Variants in TM9SF3 observed in about 807,000 individuals in gnomAD.
TM9SF3 encodes the protein SM-11044-binding protein.
In TM9SF3, 14 loss-of-function variants were observed where a neutral mutation model predicts 78.6. The observed-to-expected ratio is 0.18, with a 90% CI of 0.12 to 0.28. The LOEUF (loss-of-function observed/expected upper bound fraction) is 0.28. Among genes scored for constraint, TM9SF3 ranks in the 10% least tolerant of loss-of-function variants. The pLI is 1.00. For missense variants in TM9SF3, 496 were observed against 721.9 expected (o/e 0.69, Z 3.59); for synonymous variants, 231 against 241.7 (o/e 0.96, Z 0.41).
At chr10:96,566,919 C>T (rs1385513276) in intron 2 of TM9SF3, among the ~76,000 whole-genome samples, 3 of 152,124 alleles carry the variant, frequency 2.0e-5, no homozygotes, top group African/African-American at 2.4e-5. Flanking sequence ...TAAGGGACAA[C>T]AAATGGCCAC....
intron 7 of TM9SF3, among the ~76,000 whole-genome samples, chr10:96,549,384 T>G (rs1175599299): frequency 6.6e-6 from 1 of 152,158 alleles, no homozygotes; most frequent in Non-Finnish European, 1.5e-5. Context: ...CATAGCAAAT[T>G]AAGAAAAGAG....
intron 8 of TM9SF3, among the ~76,000 whole-genome samples, chr10:96,545,887 C>T (rs1000220178): frequency 9.7e-6 from 1 of 102,638 alleles, no homozygotes; most frequent in Non-Finnish European, 2.1e-5. Context: ...GAAACTCCAT[C>T]TCAAAATCAA....
intron 4 of TM9SF3, chr10:96,560,736 T>C: frequency 5.2e-6 from 3 of 574,192 alleles, no homozygotes; most frequent in Non-Finnish European, 1.0e-5. Flanking sequence ...GAAATCTACA[T>C]GAGATAATCC....
intron 9 of TM9SF3, among the ~76,000 whole-genome samples, chr10:96,540,315 C>T (rs898543843): frequency 4.6e-5 from 7 of 152,178 alleles, no homozygotes; most frequent in Admixed American, 2.6e-4. Context: ...TAAGGTAGAA[C>T]CCACTTTCTT....
intron 14 of TM9SF3, among the ~76,000 whole-genome samples, chr10:96,523,807 TAGACTA>T (rs1847808646): frequency 6.6e-6 from 1 of 151,918 alleles, no homozygotes; most frequent in South Asian, 2.1e-4. Flanking sequence ...AGAATATCTA[TAGACTA>T]AAAGAGCCTT....
Position 96,527,492 on chromosome 10 carries a change from A to G in TM9SF3, c.1546T>C (p.Trp516Arg), listed in dbSNP as rs1237962662. The G allele has an allele frequency of 1.2e-6, 2 of 1,608,668 alleles. No individual in the cohort carries two copies. The highest frequency in any genetic ancestry group is 1.1e-5 in the South Asian group (1 of 90,136). The change falls in exon 13 of 15, where the codon TGG becomes CGG. Residue 516 changes from tryptophan to arginine, a missense_variant. Coordinates refer to ENST00000371142, the MANE Select transcript of TM9SF3 (RefSeq NM_020123.4). ...LLNAEDYRWQ[W>R]TSFLSAASTA... ...GATGCAGCAGAGAGAAAACTTGTCCATTGCCTGGTGGGGGGAGGGGGAAAG... is the reference window on the plus strand; with the variant it reads ...GATGCAGCAGAGAGAAAACTTGTCCGTTGCCTGGTGGGGGGAGGGGGAAAG...
chr10:96,532,909 T>C (rs1429476980), intron 10 of TM9SF3, 142 bp downstream of exon 10: 3 of 966,868 alleles, frequency 3.1e-6, no homozygotes, highest in South Asian at 1.9e-5. Flanking sequence ...TTAAAGGAAA[T>C]AGTAAAATGA....
rs1475269498 is a variant in TM9SF3, at chr10:96,518,357, G to A, written c.*3906C>T. The A allele has an allele frequency of 6.6e-6, 1 of 152,184 alleles. No individual in the cohort carries two copies. Among genetic ancestry groups the A allele is most frequent in the Non-Finnish European group, 1.5e-5 (1 of 68,022 alleles). The allele number at this position is 152,184 out of a possible 1,614,324, so 9.4% of individuals were successfully genotyped here. A position where few individuals can be genotyped will look rare whatever the true frequency, so the allele number is the denominator to read the frequency against. ...GGGACTTACACATTCAAGTTTGACAGTTGAAAAACCAACTGGAGCTGCTTT... is the reference window on the plus strand; with the variant it reads ...GGGACTTACACATTCAAGTTTGACAATTGAAAAACCAACTGGAGCTGCTTT... On this transcript the variant is annotated 3_prime_UTR_variant, in exon 15 of 15. Transcript: ENST00000371142.
At chr10:96,539,035 G>A (rs1194384532) in intron 9 of TM9SF3, among the ~76,000 whole-genome samples, 1 of 152,140 alleles carries the variant, frequency 6.6e-6, no homozygotes, top group Non-Finnish European at 1.5e-5. Context: ...GAAAACATAA[G>A]TCCATAGAAA....
rs922041913 is a variant in TM9SF3, at chr10:96,519,413, C to T, written c.*2850G>A. The T allele has an allele frequency of 1.3e-5, 2 of 151,838 alleles. No homozygotes were observed. The highest frequency in any genetic ancestry group is 2.9e-5 in the Non-Finnish European group (2 of 67,834). 9.4% of individuals were successfully genotyped at this position (151,838 alleles called of 1,614,324 possible). ...GGCAACCCCAGTACAATCTAGGAGCCCAACATGATGAAAAATACTAAAAGA... is the reference window on the plus strand; with the variant it reads ...GGCAACCCCAGTACAATCTAGGAGCTCAACATGATGAAAAATACTAAAAGA... On this transcript the variant is annotated 3_prime_UTR_variant, in exon 15 of 15. Transcript: ENST00000371142.
chr10:96,560,336 C>A lies in TM9SF3; in HGVS notation c.583-600G>T, dbSNP rs1848290254. On this transcript the variant is annotated intron_variant, in intron 4 of 14. Transcript: ENST00000371142. ...TCTTTAAGAACGGTCAGTTTAGGGG[C>A]TGGTGCAAAGGATGAATTGCATATT... 4 of 742,410 alleles carry A rather than the reference C, an allele frequency of 5.4e-6. No homozygotes were observed. In the East Asian group the frequency reaches 1.0e-4, roughly 19 times the overall value. 46.0% of individuals were successfully genotyped at this position (742,410 alleles called of 1,614,324 possible).
intron 7 of TM9SF3, among the ~76,000 whole-genome samples, chr10:96,549,866 G>C (rs527402180): frequency 2.9e-4 from 41 of 140,326 alleles, no homozygotes; most frequent in African/African-American, 1.0e-3. Context: ...CTAACATTTT[G>C]AAAAGGAAGC....
chr10:96,535,592 G>A (rs1847948454), intron 9 of TM9SF3, among the ~76,000 whole-genome samples: 1 of 152,196 alleles, frequency 6.6e-6, no homozygotes, highest in South Asian at 2.1e-4. Flanking sequence ...TAGCAGCTAA[G>A]AGGGTCTAAT....
chr10:96,545,377 C>A (rs1038291029), intron 8 of TM9SF3, among the ~76,000 whole-genome samples: 2 of 152,178 alleles, frequency 1.3e-5, no homozygotes, highest in Admixed American at 1.3e-4. Context: ...AAAATCATAA[C>A]GTTCCTCCAG....
At chr10:96,580,973 T>C (rs938731428) in intron 1 of TM9SF3, among the ~76,000 whole-genome samples, 7 of 152,198 alleles carry the variant, frequency 4.6e-5, no homozygotes, top group Admixed American at 3.3e-4. Flanking sequence ...GTCAGCTTCA[T>C]TCATTAAAGA....
At chr10:96,534,826 T>C (rs982290865) in intron 9 of TM9SF3, among the ~76,000 whole-genome samples, 9 of 152,194 alleles carry the variant, frequency 5.9e-5, no homozygotes, top group Admixed American at 3.9e-4. Flanking sequence ...ACTGGAGATA[T>C]CACAGCCAGG....
At chr10:96,566,932 TG>T (rs1300978840) in intron 2 of TM9SF3, among the ~76,000 whole-genome samples, 1 of 152,186 alleles carries the variant, frequency 6.6e-6, no homozygotes, top group East Asian at 1.9e-4. Context: ...ATGGCCACAG[TG>T]GCAGTAGGGT....
intron 2 of TM9SF3, 71 bp from the exon 3 acceptor site, chr10:96,565,497 A>G (rs1848357340): frequency 1.4e-6 from 2 of 1,473,818 alleles, no homozygotes; most frequent in African/African-American, 1.5e-5. Context: ...AAAAAAGACA[A>G]GAAAAAAGCC....
chr10:96,540,507 C>A (rs1848012012), intron 9 of TM9SF3, among the ~76,000 whole-genome samples: 1 of 152,146 alleles, frequency 6.6e-6, no homozygotes, highest in Admixed American at 6.5e-5. Flanking sequence ...CCTTGCGTAT[C>A]TTAGGCTTCA....
Sources: gnomAD v4.1 joint callset for allele counts (sites outside exome capture counted in the v4.1 genomes callset) on GRCh38, gnomAD v4.1.1 for gene constraint, MANE v1.5 for transcripts, NCBI Gene and HGNC (gene_info 2026-07-23, HGNC 2026-07-21) for gene names.